The following NEK11 variants were observed in gnomAD, a reference collection of about 807,000 sequenced individuals.
NEK11 encodes NIMA related kinase 11.
Under a neutral mutation model 80.7 loss-of-function variants are expected in NEK11, and 72 were observed. The observed-to-expected ratio is 0.89, with a 90% CI of 0.74 to 1.08. The LOEUF (loss-of-function observed/expected upper bound fraction) is 1.08, where lower values mean the gene tolerates loss of function less well. NEK11 is among the 50% of genes least tolerant of loss of function. The pLI is 0.00. For missense variants in NEK11, 764 were observed against 763.6 expected (o/e 1.00, Z -0.01); for synonymous variants, 251 against 260.7 (o/e 0.96, Z 0.36).
intron 17 of NEK11, among the ~76,000 whole-genome samples, chr3:131,343,117 A>G (rs1312747414): frequency 1.3e-5 from 2 of 152,128 alleles, no homozygotes; most frequent in Non-Finnish European, 2.9e-5. Flanking sequence ...GATCAAAGTG[A>G]TGGGTTGAGA....
chr3:131,281,577 C>T (rs182017556), intron 17 of NEK11, among the ~76,000 whole-genome samples: 472 of 152,256 alleles, frequency 3.1e-3, no homozygotes, highest in Middle Eastern at 0.014. Context: ...CTTGCACATT[C>T]AGGGTTTTTT....
At chr3:131,055,011 C>T (rs1438299298) in intron 3 of NEK11, among the ~76,000 whole-genome samples, 1 of 152,102 alleles carries the variant, frequency 6.6e-6, no homozygotes, top group Non-Finnish European at 1.5e-5. Context: ...AAGGACTAGC[C>T]TCAGGCAAGC....
At chr3:131,175,044 C>T in intron 14 of NEK11, 1 of 1,264,326 alleles carries the variant, frequency 7.9e-7, no homozygotes, top group African/African-American at 1.5e-5. Context: ...CCCCACATGC[C>T]CTTTACAGTT....
chr3:131,157,516 T>G (rs2090874828), intron 10 of NEK11, among the ~76,000 whole-genome samples: 1 of 152,120 alleles, frequency 6.6e-6, no homozygotes, highest in Non-Finnish European at 1.5e-5. Context: ...AAGCCTGGAA[T>G]AGAAAACATA....
intron 17 of NEK11, among the ~76,000 whole-genome samples, chr3:131,322,825 G>C (rs368464435): frequency 6.6e-6 from 1 of 152,166 alleles, no homozygotes; most frequent in African/African-American, 2.4e-5. Flanking sequence ...AGAGGCCCCC[G>C]CTCCCCTTCA....
intron 3 of NEK11, among the ~76,000 whole-genome samples, chr3:131,049,534 A>G (rs2067998700): frequency 6.6e-6 from 1 of 152,150 alleles, no homozygotes; most frequent in Non-Finnish European, 1.5e-5. Context: ...TTTAATTGGT[A>G]TTTGTACTTA....
chr3:131,303,700 A>G (rs1055703169), intron 17 of NEK11, among the ~76,000 whole-genome samples: 6 of 152,020 alleles, frequency 3.9e-5, no homozygotes, highest in African/African-American at 1.5e-4. Context: ...TGGCTTGTAG[A>G]ATTTCTGTTG....
At chr3:131,143,002 A>G (rs2087296579) in intron 7 of NEK11, among the ~76,000 whole-genome samples, 1 of 152,316 alleles carries the variant, frequency 6.6e-6, no homozygotes, top group East Asian at 1.9e-4. Context: ...GTGACAGTAT[A>G]TTAGAATATG....
chr3:131,052,210 C>T (rs1181252858), intron 3 of NEK11, among the ~76,000 whole-genome samples: 1 of 151,064 alleles, frequency 6.6e-6, no homozygotes, highest in African/African-American at 2.4e-5. Context: ...GAACATTTCC[C>T]CATTCTTTTT....
At position 131,123,155 on chromosome 3, in the gene NEK11, G is replaced by A. The variant is rs565393217; in HGVS notation, c.456-9590G>A. 6.6e-5 allele frequency among the ~76,000 whole-genome samples: 10 copies of A among 152,214 alleles called. No individual in the cohort carries two copies. In the East Asian group the frequency reaches 1.9e-3, roughly 29 times the overall value. On this transcript the variant is annotated intron_variant, in intron 5 of 17. Transcript: ENST00000383366. Reference sequence around the variant, plus strand: ...CATTTTGGCTTACTGTAACCACAAAGCCAATACATTACGATTTTTTTTTTC... The same window carrying A: ...CATTTTGGCTTACTGTAACCACAAAACCAATACATTACGATTTTTTTTTTC...
chr3:131,108,138 A>G (rs1399333564), intron 4 of NEK11, among the ~76,000 whole-genome samples: 2 of 152,148 alleles, frequency 1.3e-5, no homozygotes, highest in Non-Finnish European at 2.9e-5. Context: ...TGTTTGCTAT[A>G]CTTTTGATTT....
rs138742765 is a variant in NEK11 at position 131,133,948 on chromosome 3, G to A, written c.639G>A (p.Ser213=). 2,231 of 1,607,726 alleles carry A rather than the reference G, an allele frequency of 1.4e-3. 7 individuals carry two copies. Among genetic ancestry groups the A allele is most frequent in the Middle Eastern group, 4.8e-3 (29 of 6,044 alleles). ...AACACCAAGGCTATGACACAAAGTCGGACATCTGGTGAGTGGGCTAGTGGG... is the reference window on the plus strand; with the variant it reads ...AACACCAAGGCTATGACACAAAGTCAGACATCTGGTGAGTGGGCTAGTGGG... ...ALKHQGYDTK[S]DIWSLACILY... The change falls in exon 7 of 18, where the codon TCG becomes TCA. Residue 213 remains serine (S), a synonymous_variant. Transcript: ENST00000383366.
At chr3:131,216,986 C>G (rs962215258) in intron 14 of NEK11, among the ~76,000 whole-genome samples, 2 of 152,108 alleles carry the variant, frequency 1.3e-5, no homozygotes, top group Non-Finnish European at 2.9e-5. Flanking sequence ...GATGAGTCAC[C>G]AGGGAAAGGA....
intron 17 of NEK11, among the ~76,000 whole-genome samples, chr3:131,343,591 TG>T (rs1246367682): frequency 6.6e-6 from 1 of 152,204 alleles, no homozygotes; most frequent in Admixed American, 6.5e-5. Flanking sequence ...GGCTTCTGTC[TG>T]AACACCAGGC....
intron 14 of NEK11, among the ~76,000 whole-genome samples, chr3:131,219,480 C>A (rs1217338599): frequency 3.3e-5 from 5 of 150,344 alleles, no homozygotes; most frequent in African/African-American, 9.8e-5. Context: ...CTGGGTGTAG[C>A]AAACCATCAG....
chr3:131,057,775 A>T (rs1419026628), intron 3 of NEK11, among the ~76,000 whole-genome samples: 1 of 150,936 alleles, frequency 6.6e-6, no homozygotes, highest in East Asian at 1.9e-4. Flanking sequence ...TTCATTGTAG[A>T]TTCTGGATAT....
chr3:131,176,076 CT>C (rs2092995077), intron 14 of NEK11, among the ~76,000 whole-genome samples: 1 of 152,144 alleles, frequency 6.6e-6, no homozygotes, highest in South Asian at 2.1e-4. Flanking sequence ...GGACAGGGAT[CT>C]TTTAGCTCCT....
chr3:131,277,929 A>G (rs2096325742), intron 17 of NEK11, among the ~76,000 whole-genome samples: 1 of 152,232 alleles, frequency 6.6e-6, no homozygotes, highest in South Asian at 2.1e-4. Context: ...GTAAGTGCTC[A>G]GTAAATGTTA....
intron 17 of NEK11, among the ~76,000 whole-genome samples, chr3:131,313,221 C>T (rs1661978372): frequency 6.6e-6 from 1 of 152,086 alleles, no homozygotes; most frequent in Admixed American, 6.6e-5. Context: ...TCCATTCTAC[C>T]ATTGATCAGC....
Sources: gnomAD v4.1 joint callset for allele counts (sites outside exome capture counted in the v4.1 genomes callset) on GRCh38, gnomAD v4.1.1 for gene constraint, MANE v1.5 for transcripts, NCBI Gene and HGNC (gene_info 2026-07-23, HGNC 2026-07-21) for gene names.